Variants in SEMA6D observed in about 807,000 individuals in gnomAD.
The protein encoded by SEMA6D is semaphorin 6D, also known as semaphorin-6D.
A neutral mutation model predicts 106.6 loss-of-function variants in SEMA6D; 35 were observed. That is an observed-to-expected ratio of 0.33 (90% CI 0.25 to 0.44). The LOEUF is 0.44. Ranked by LOEUF, SEMA6D falls within the 20% of genes least tolerant of loss-of-function variation. The pLI is 1.00. For synonymous variants in SEMA6D, 499 were observed against 487.7 expected, an observed-to-expected ratio of 1.02 and a Z score of -0.31; for missense variants, 1,185 against 1,345.9, an observed-to-expected ratio of 0.88 and a Z score of 1.87.
intron 1 of SEMA6D, among the ~76,000 whole-genome samples, chr15:47,289,177 C>A (rs1595650244): frequency 6.6e-6 from 1 of 152,060 alleles, no homozygotes; most frequent in South Asian, 2.1e-4. Context: ...AGGTGAATCA[C>A]AAGGTCAGGA....
chr15:47,194,673 T>A (rs1014958611), intron 1 of SEMA6D, among the ~76,000 whole-genome samples: 2 of 152,214 alleles, frequency 1.3e-5, no homozygotes, highest in African/African-American at 2.4e-5. Context: ...AGTTACCTGA[T>A]GTCATGACAT....
chr15:47,648,459 A>C (rs1223591308), intron 4 of SEMA6D, among the ~76,000 whole-genome samples: 1 of 148,540 alleles, frequency 6.7e-6, no homozygotes, highest in Non-Finnish European at 1.5e-5. Flanking sequence ...TGCAACCCTG[A>C]ACTGGAATAA....
chr15:47,474,667 C>CA (rs1053983308), intron 3 of SEMA6D, among the ~76,000 whole-genome samples: 23 of 152,154 alleles, frequency 1.5e-4, no homozygotes, highest in African/African-American at 5.6e-4. Flanking sequence ...CAAAGAGGCA[C>CA]TAAGTCTTCG....
chr15:47,443,995 T>G (rs1407621844), intron 2 of SEMA6D, among the ~76,000 whole-genome samples: 1 of 152,184 alleles, frequency 6.6e-6, no homozygotes, highest in Non-Finnish European at 1.5e-5. Context: ...AGTCATGGTA[T>G]CTTGGGGATG....
chr15:47,342,519 A>G (rs1409621034), intron 1 of SEMA6D, among the ~76,000 whole-genome samples: 1 of 152,234 alleles, frequency 6.6e-6, no homozygotes, highest in Non-Finnish European at 1.5e-5. Flanking sequence ...GTTTATTGTT[A>G]AAGTGTTTCA....
At chr15:47,663,835 T>C (rs2077974966) in intron 4 of SEMA6D, among the ~76,000 whole-genome samples, 1 of 152,202 alleles carries the variant, frequency 6.6e-6, no homozygotes, top group African/African-American at 2.4e-5. Flanking sequence ...TAAATTCATC[T>C]AACCCAGCTC....
intron 3 of SEMA6D, among the ~76,000 whole-genome samples, chr15:47,547,042 C>A (rs919490045): frequency 2.0e-5 from 3 of 152,076 alleles, no homozygotes; most frequent in Non-Finnish European, 4.4e-5. Context: ...TACACACAAA[C>A]ACACAGATAC....
At chr15:47,525,471 T>G (rs2044722879) in intron 3 of SEMA6D, 1 of 152,240 alleles carries the variant, frequency 6.6e-6, no homozygotes, top group African/African-American at 2.4e-5. Context: ...ACCACCTGGG[T>G]AAGAAGTCCT....
At chr15:47,720,183 C>A (rs764320726) in intron 1 of SEMA6D, among the ~76,000 whole-genome samples, 1 of 151,644 alleles carries the variant, frequency 6.6e-6, no homozygotes, top group Non-Finnish European at 1.5e-5. Context: ...TAACAACTAG[C>A]AACTATTTCT....
At chr15:47,570,540 C>T (rs537754368) in intron 3 of SEMA6D, among the ~76,000 whole-genome samples, 1 of 152,280 alleles carries the variant, frequency 6.6e-6, no homozygotes, top group African/African-American at 2.4e-5. Flanking sequence ...CACTTGACAC[C>T]TGAGATTTCC....
At chr15:47,611,450 G>A (rs8039597) in intron 4 of SEMA6D, among the ~76,000 whole-genome samples, 49,150 of 152,096 alleles carry the variant, frequency 0.32, 8,241 homozygotes, top group East Asian at 0.51. Context: ...AAAACATTAA[G>A]TGAAAAACCA....
chr15:47,215,052 G>A (rs1254913306), intron 1 of SEMA6D, among the ~76,000 whole-genome samples: 1 of 151,278 alleles, frequency 6.6e-6, no homozygotes, highest in African/African-American at 2.4e-5. Flanking sequence ...ACAGACCTAA[G>A]CTTCATTCTA....
chr15:47,527,289 A>C (rs925525316), intron 3 of SEMA6D, among the ~76,000 whole-genome samples: 1 of 152,228 alleles, frequency 6.6e-6, no homozygotes, highest in African/African-American at 2.4e-5. Flanking sequence ...TTTGAAAAAA[A>C]AATCAATGTT....
chr15:47,464,725 ACT>A (rs980397055), intron 2 of SEMA6D, among the ~76,000 whole-genome samples: 9 of 151,712 alleles, frequency 5.9e-5, no homozygotes, highest in African/African-American at 1.7e-4. Flanking sequence ...AAATGGAAAG[ACT>A]CTCTCTCTCT....
At chr15:47,251,613 CTG>C (rs1382216548) in intron 1 of SEMA6D, among the ~76,000 whole-genome samples, 2 of 152,134 alleles carry the variant, frequency 1.3e-5, no homozygotes, top group South Asian at 2.1e-4. Context: ...AAATTAATGA[CTG>C]TGATCTTTTG....
chr15:47,229,719 C>T (rs1454908277), intron 1 of SEMA6D, among the ~76,000 whole-genome samples: 1 of 152,124 alleles, frequency 6.6e-6, no homozygotes, highest in Admixed American at 6.6e-5. Context: ...CAATTACAGT[C>T]ATATTGGTCT....
chr15:47,368,510 G>T (rs281277), intron 1 of SEMA6D, among the ~76,000 whole-genome samples: 1 of 151,562 alleles, frequency 6.6e-6, no homozygotes, highest in Non-Finnish European at 1.5e-5. Flanking sequence ...TCGCTCTGTC[G>T]CCCAGGCTGG....
chr15:47,559,506 A>G (rs529276711), intron 3 of SEMA6D, among the ~76,000 whole-genome samples: 9 of 152,248 alleles, frequency 5.9e-5, no homozygotes, highest in African/African-American at 1.9e-4. Flanking sequence ...AGAATTATAC[A>G]TATTGGAGCA....
At chr15:47,234,676 G>T (rs62013985) in intron 1 of SEMA6D, among the ~76,000 whole-genome samples, 1,777 of 152,064 alleles carry the variant, frequency 0.012, 33 homozygotes, top group Admixed American at 0.012. Context: ...AAAGACATTA[G>T]TTCCTTCTTT....
Sources: gnomAD v4.1 joint callset for allele counts (sites outside exome capture counted in the v4.1 genomes callset) on GRCh38, gnomAD v4.1.1 for gene constraint, MANE v1.5 for transcripts, NCBI Gene and HGNC (gene_info 2026-07-23, HGNC 2026-07-21) for gene names.